OTULINL: variants seen among roughly 807,000 people sequenced by gnomAD.
OTULINL encodes OTU deubiquitinase with linear linkage specificity like, also known as inactive ubiquitin thioesterase OTULINL.
In OTULINL, 42 loss-of-function variants were observed where a neutral mutation model predicts 43.9. That is an observed-to-expected ratio of 0.96 (90% confidence interval 0.75 to 1.24). OTULINL has a LOEUF of 1.24. OTULINL is among the 50% of genes most tolerant of loss of function. The probability of loss-of-function intolerance (pLI) is 0.00; values close to 1 mark genes in which losing one functional copy is unlikely to be tolerated. For synonymous variants in OTULINL, 172 were observed against 153.6 expected (o/e 1.12, Z -0.88); for missense variants, 411 against 426.4 (o/e 0.96, Z 0.32).
At chr5:14,599,940 C>T (rs1171385710) in intron 1 of OTULINL, among the ~76,000 whole-genome samples, 3 of 152,200 alleles carry the variant, frequency 2.0e-5, no homozygotes. Context: ...TATGTGCCTG[C>T]TGTCTGAGTT....
chr5:14,582,746 C>T (rs1579911840), intron 1 of OTULINL, among the ~76,000 whole-genome samples: 1 of 130,046 alleles, frequency 7.7e-6, no homozygotes, highest in Non-Finnish European at 1.6e-5. Context: ...ACCCGGCGGG[C>T]GGAGGTTGCA....
At chr5:14,587,545 T>G (rs1368876297) in intron 1 of OTULINL, among the ~76,000 whole-genome samples, 2 of 152,200 alleles carry the variant, frequency 1.3e-5, no homozygotes, top group African/African-American at 4.8e-5. Flanking sequence ...AATGGAAACA[T>G]AGCCAATGAA....
Position 14,615,638 on chromosome 5 carries a change from C to T in OTULINL, c.*5324C>T, listed in dbSNP as rs930936890. On this transcript the variant is annotated 3_prime_UTR_variant, in exon 8 of 8. Transcript: ENST00000274217. ...TGTGGGTAAGTAGAACAAATATTTA[C>T]ATCTGTTATGAAAAGCTACCTTTAG... Among the ~76,000 whole-genome samples the T allele has an allele frequency of 6.6e-6, 1 of 152,156 alleles. No individual in the cohort carries two copies. Among genetic ancestry groups the T allele is most frequent in the Non-Finnish European group, 1.5e-5 (1 of 68,034 alleles).
chr5:14,613,763 C>T lies in OTULINL; in HGVS notation c.*3449C>T, dbSNP rs1579932077. On this transcript the variant is annotated 3_prime_UTR_variant, in exon 8 of 8. Transcript: ENST00000274217. The stretch of plus-strand genomic sequence containing the variant: ...AGTCCCCAGGGCCCTCTCTAGGGGA[C>T]CGGAGACCTCCAGACTAAGCTGGTG... Among the ~76,000 whole-genome samples, 1 of 152,234 alleles carries T rather than the reference C, an allele frequency of 6.6e-6. No individual in the cohort carries two copies. The highest frequency in any genetic ancestry group is 1.9e-4 in the East Asian group (1 of 5,182).
At chr5:14,606,035 G>C (rs1302878613) in intron 5 of OTULINL, among the ~76,000 whole-genome samples, 2 of 152,154 alleles carry the variant, frequency 1.3e-5, no homozygotes, top group South Asian at 2.1e-4. Context: ...CCAGTTTACT[G>C]TATTAGTCTG....
At position 14,583,430 on chromosome 5, in the gene OTULINL, C is replaced by T. The variant is rs184819729; in HGVS notation, c.64+1472C>T. On this transcript the variant is annotated intron_variant, in intron 1 of 7. Coordinates refer to ENST00000274217, the MANE Select transcript of OTULINL (RefSeq NM_019018.3). ...TTTTTATTATGTTATTTTCTTTTCT[C>T]CTCCCTGCCTTAGTTTGGCAGAGAA... Among the ~76,000 whole-genome samples the T allele has an allele frequency of 4.6e-3, 700 of 152,262 alleles. 3 individuals are homozygous for T. The highest frequency in any genetic ancestry group is 6.9e-3 in the Non-Finnish European group (467 of 68,016).
chr5:14,585,849 G>A (rs952458406), intron 1 of OTULINL, among the ~76,000 whole-genome samples: 1 of 152,212 alleles, frequency 6.6e-6, no homozygotes, highest in Non-Finnish European at 1.5e-5. Context: ...GTGAAACAGA[G>A]TTCTAGCTTC....
At chr5:14,602,509 C>G (rs555001856) in intron 5 of OTULINL, among the ~76,000 whole-genome samples, 177 bp downstream of exon 5, 7 of 152,142 alleles carry the variant, frequency 4.6e-5, no homozygotes, top group Non-Finnish European at 2.9e-5. Flanking sequence ...GATCATGGCT[C>G]AATGCAGCCT....
rs75497999 is a variant in OTULINL at position 14,613,483 on chromosome 5, C to CT, written c.*3170dup. Among the ~76,000 whole-genome samples the CT allele has an allele frequency of 4.1e-4, 63 of 152,118 alleles. 1 individual carries two copies. In the East Asian group the frequency reaches 0.011, roughly 27 times the overall value. The stretch of plus-strand genomic sequence containing the variant: ...AACCTAAGAGGGAGTTAGGTACAAC[C>CT]TAGGAGGGAGTCAGGAGGAGAGAGT... On this transcript the variant is annotated 3_prime_UTR_variant, in exon 8 of 8. Transcript: ENST00000274217.
rs760407074 is a variant in OTULINL at position 14,607,412 on chromosome 5, ATG to A, written c.585_586del (p.Phe196TrpfsTer16). ...GGTCCTGAGAAGTATACAGGCTCGA[ATG>A]TGTTTGGAAAACTACGGAAATATGT... On this transcript the variant is annotated frameshift_variant, in exon 6 of 8. Transcript: ENST00000274217. LOFTEE classifies it high-confidence loss of function. 1 of 1,614,180 alleles carries A rather than the reference ATG, an allele frequency of 6.2e-7. No individual in the cohort carries two copies. Among genetic ancestry groups the A allele is most frequent in the Admixed American group, 1.7e-5 (1 of 60,028 alleles).
intron 1 of OTULINL, 39 bp downstream of exon 1, chr5:14,581,997 A>G (rs1759008751): frequency 1.5e-5 from 18 of 1,225,614 alleles, no homozygotes; most frequent in Non-Finnish European, 1.6e-5. Flanking sequence ...GGGGGGCGCG[A>G]GCAGGGACCG....
At chr5:14,588,082 C>T (rs967366846) in intron 1 of OTULINL, among the ~76,000 whole-genome samples, 5 of 152,158 alleles carry the variant, frequency 3.3e-5, no homozygotes, top group Non-Finnish European at 7.4e-5. Context: ...TATTTGCTGG[C>T]ATTTGTCAAG....
intron 1 of OTULINL, among the ~76,000 whole-genome samples, chr5:14,597,611 T>C (rs1254297870): frequency 2.6e-5 from 4 of 152,240 alleles, no homozygotes; most frequent in Non-Finnish European, 4.4e-5. Context: ...TCTTTCCTAC[T>C]AAAACGCATT....
intron 6 of OTULINL, 149 bp downstream of exon 6, chr5:14,607,607 C>G: frequency 2.1e-6 from 2 of 932,678 alleles, no homozygotes; most frequent in Non-Finnish European, 3.2e-6. Flanking sequence ...TGATTTCCCT[C>G]CTTATTCTTC....
intron 4 of OTULINL, 90 bp from the exon 5 acceptor site, chr5:14,602,093 G>A (rs1759397438): frequency 2.0e-6 from 2 of 1,007,606 alleles, no homozygotes; most frequent in Non-Finnish European, 2.8e-6. Flanking sequence ...ACTTTAGTTG[G>A]GAGGAACACC....
intron 5 of OTULINL, 60 bp downstream of exon 5, chr5:14,602,392 T>G: frequency 6.6e-7 from 1 of 1,503,968 alleles, no homozygotes; most frequent in Non-Finnish European, 9.1e-7. Context: ...CAACTCAGAC[T>G]CCTAGTCTTT....
In OTULINL at chr5:14,610,123, CTT is replaced by C; in HGVS notation, c.898-16_898-15del. The C allele has an allele frequency of 6.2e-7, 1 of 1,606,400 alleles. No individual in the cohort carries two copies. Among genetic ancestry groups the C allele is most frequent in the South Asian group, 1.1e-5 (1 of 90,846 alleles). ...TTGCAAGTGTGTATCTGTGACCTGTCTTTCATCTCATCCACAGATTGATATGT... is the reference window on the plus strand; with the variant it reads ...TTGCAAGTGTGTATCTGTGACCTGTCTCATCTCATCCACAGATTGATATGT... On this transcript the variant is annotated splice_polypyrimidine_tract_variant and intron_variant, in intron 7 of 7. Coordinates refer to ENST00000274217, the MANE Select transcript of OTULINL (RefSeq NM_019018.3).
At position 14,610,422 on chromosome 5, in the gene OTULINL, C is replaced by T. The variant is rs926747789; in HGVS notation, c.*108C>T. 8.4e-7 allele frequency: 1 copy of T among 1,185,488 alleles called. No individual in the cohort carries two copies. The highest frequency in any genetic ancestry group is 1.2e-6 in the Non-Finnish European group (1 of 841,982). The allele number at this position is 1,185,488 out of a possible 1,614,324, so 73.4% of individuals were successfully genotyped here. A position where few individuals can be genotyped will look rare whatever the true frequency, so the allele number is the denominator to read the frequency against. ...CATTTCAGCATGGAAGGAATTAGGA[C>T]CTTTTCTTCAGGATTACAGGTACAC... On this transcript the variant is annotated 3_prime_UTR_variant, in exon 8 of 8. Coordinates refer to ENST00000274217, the MANE Select transcript of OTULINL (RefSeq NM_019018.3).
At position 14,601,013 on chromosome 5, in the gene OTULINL, A is replaced by G; in HGVS notation, c.113A>G (p.Asp38Gly). ...SWMLATSQAL[D>G]TVWRMAKGFV... ...ATGCTAGCTACAAGCCAAGCCTTAG[A>G]CACTGTCTGGAGAATGGCAAAAGGC... The change falls in exon 2 of 8, where the codon GAC (aspartate) becomes GGC (glycine). Residue 38 changes from aspartate to glycine, a missense_variant. Physicochemically the swap from Asp to Gly is moderately conservative, Grantham distance 94 (BLOSUM62 -1). Coordinates refer to ENST00000274217, the MANE Select transcript of OTULINL (RefSeq NM_019018.3). The G allele has an allele frequency of 6.2e-7, 1 of 1,608,400 alleles. No individual in the cohort carries two copies. The highest frequency in any genetic ancestry group is 8.5e-7 in the Non-Finnish European group (1 of 1,178,220).
Sources: gnomAD v4.1 joint callset for allele counts (sites outside exome capture counted in the v4.1 genomes callset) on GRCh38, gnomAD v4.1.1 for gene constraint, MANE v1.5 for transcripts, NCBI Gene and HGNC (gene_info 2026-07-23, HGNC 2026-07-21) for gene names.